RNF150: variants seen among roughly 807,000 people sequenced by gnomAD.
RNF150 encodes ring finger protein 150.
Under a neutral mutation model 39.3 loss-of-function variants are expected in RNF150, and 24 were observed. The ratio of observed to expected loss-of-function variants is 0.61; its 90% CI spans 0.44 to 0.86. The LOEUF is 0.86. Ranked by LOEUF, RNF150 falls within the 40% of genes least tolerant of loss-of-function variation. The pLI, the probability that RNF150 is intolerant of heterozygous loss-of-function variation, is 0.00. For missense variants in RNF150, 502 were observed against 587.8 expected, an observed-to-expected ratio of 0.85 and a Z score of 1.51; for synonymous variants, 255 against 227.3, an observed-to-expected ratio of 1.12 and a Z score of -1.10.
At chr4:141,162,072 G>A (rs1230690096) in intron 1 of RNF150, among the ~76,000 whole-genome samples, 1 of 152,162 alleles carries the variant, frequency 6.6e-6, no homozygotes, top group African/African-American at 2.4e-5. Flanking sequence ...CAGAATGGTA[G>A]AGCCCTTGAC....
chr4:141,186,183 C>T (rs572935781), intron 1 of RNF150, among the ~76,000 whole-genome samples: 1 of 152,230 alleles, frequency 6.6e-6, no homozygotes, highest in South Asian at 2.1e-4. Flanking sequence ...GGTTGGTAGG[C>T]TATTTATTAC....
intron 1 of RNF150, among the ~76,000 whole-genome samples, chr4:140,998,080 G>A (rs72937315): frequency 0.018 from 2,778 of 152,190 alleles, 90 homozygotes; most frequent in African/African-American, 0.063. Flanking sequence ...AATAAATAAC[G>A]TTCTCTGAAT....
At position 140,865,034 on chromosome 4, in the gene RNF150, G is replaced by A. The variant is rs1728645530; in HGVS notation, c.*3227C>T. 1 of 152,288 alleles carries A rather than the reference G, an allele frequency of 6.6e-6. No homozygotes were observed. The highest frequency in any genetic ancestry group is 1.9e-4 in the East Asian group (1 of 5,182). 9.4% of individuals were successfully genotyped at this position (152,288 alleles called of 1,614,324 possible). A position where few individuals can be genotyped will look rare whatever the true frequency, so the allele number is the denominator to read the frequency against. On this transcript the variant is annotated 3_prime_UTR_variant, in exon 7 of 7. Transcript: ENST00000515673. ...TTCTTTTCTTTTGTAAGGGTCGGGG[G>A]ATCTTGTGAGAATACTGGAGGAACT...
chr4:141,038,458 C>T (rs963210589), intron 1 of RNF150, among the ~76,000 whole-genome samples: 14 of 152,114 alleles, frequency 9.2e-5, no homozygotes, highest in Non-Finnish European at 1.8e-4. Flanking sequence ...GGGAGGCCGA[C>T]GTGGGAGGAT....
intron 1 of RNF150, among the ~76,000 whole-genome samples, chr4:141,198,020 TA>T (rs1359695174): frequency 6.6e-6 from 1 of 151,056 alleles, no homozygotes; most frequent in Non-Finnish European, 1.5e-5. Context: ...TCTTGCAAAG[TA>T]TTAGACCACT....
At chr4:141,154,141 C>T (rs1048577188) in intron 1 of RNF150, among the ~76,000 whole-genome samples, 1 of 152,152 alleles carries the variant, frequency 6.6e-6, no homozygotes, top group African/African-American at 2.4e-5. Context: ...TGCTATTAGA[C>T]ACATCATTTT....
rs1174107882 is a variant in RNF150, at chr4:140,881,215, T to G, written c.1199-12836A>C. Reference sequence around the variant, plus strand: ...TCTAGCTGTATGGCACAGGCTGGAATGCAGTGGCATGATCTTGGCTCACTG... The same window carrying G: ...TCTAGCTGTATGGCACAGGCTGGAAGGCAGTGGCATGATCTTGGCTCACTG... On this transcript the variant is annotated intron_variant, in intron 6 of 6. Transcript: ENST00000515673. 2.0e-5 allele frequency among the ~76,000 whole-genome samples: 3 copies of G among 152,130 alleles called. No homozygotes were observed. In the East Asian group the frequency reaches 5.8e-4, roughly 29 times the overall value.
chr4:140,933,768 C>T (rs1388931100), intron 4 of RNF150, among the ~76,000 whole-genome samples: 3 of 152,092 alleles, frequency 2.0e-5, no homozygotes, highest in Non-Finnish European at 4.4e-5. Context: ...AAGTTATTTC[C>T]TTCTATACTT....
chr4:141,089,755 G>A (rs980079197), intron 1 of RNF150, among the ~76,000 whole-genome samples: 15 of 152,086 alleles, frequency 9.9e-5, no homozygotes, highest in African/African-American at 3.6e-4. Context: ...TCTAATCTTG[G>A]AATATTTACC....
chr4:141,090,992 C>T (rs947260014), intron 1 of RNF150, among the ~76,000 whole-genome samples: 2 of 152,180 alleles, frequency 1.3e-5, no homozygotes, highest in African/African-American at 2.4e-5. Flanking sequence ...GAAAGCTCCA[C>T]TCTATTCTAC....
intron 1 of RNF150, among the ~76,000 whole-genome samples, chr4:141,087,860 G>T (rs553870088): frequency 6.6e-6 from 1 of 151,928 alleles, no homozygotes; most frequent in Non-Finnish European, 1.5e-5. Flanking sequence ...GAAAAAGTAC[G>T]TGCTTACAGG....
intron 1 of RNF150, among the ~76,000 whole-genome samples, chr4:141,196,582 G>C (rs1046296849): frequency 6.6e-6 from 1 of 152,182 alleles, no homozygotes; most frequent in Non-Finnish European, 1.5e-5. Flanking sequence ...AGTCAGGAAG[G>C]CTTTTGGTAT....
intron 1 of RNF150, among the ~76,000 whole-genome samples, chr4:141,140,807 G>A (rs531289143): frequency 1.3e-5 from 2 of 152,300 alleles, no homozygotes; most frequent in African/African-American, 4.8e-5. Context: ...TGGTTGTTTA[G>A]AAGGATGTTT....
intron 4 of RNF150, among the ~76,000 whole-genome samples, chr4:140,930,911 A>ATGGAAAGGCTG (rs6148697): frequency 2.6e-4 from 39 of 151,986 alleles, no homozygotes; most frequent in African/African-American, 8.7e-4. Context: ...GTTAACGACA[A>ATGGAAAGGCTG]TGGAAAGGTT....
intron 1 of RNF150, among the ~76,000 whole-genome samples, chr4:141,046,637 T>C (rs1412312470): frequency 6.6e-6 from 1 of 152,198 alleles, no homozygotes; most frequent in African/African-American, 2.4e-5. Flanking sequence ...TCTGTACCCA[T>C]GACCATTTGT....
intron 1 of RNF150, among the ~76,000 whole-genome samples, chr4:140,993,596 G>A (rs1240633986): frequency 6.6e-6 from 1 of 152,134 alleles, no homozygotes; most frequent in South Asian, 2.1e-4. Flanking sequence ...GAAGGCCCCC[G>A]GCATGGCCAG....
chr4:141,186,146 G>C (rs150505143), intron 1 of RNF150, among the ~76,000 whole-genome samples: 4,514 of 152,256 alleles, frequency 0.03, 211 homozygotes, highest in African/African-American at 0.097. Flanking sequence ...ATTCGGCTGG[G>C]AATCCATCTG....
intron 6 of RNF150, among the ~76,000 whole-genome samples, chr4:140,885,201 CTTT>C (rs752444379): frequency 7.7e-6 from 1 of 129,134 alleles, no homozygotes. Context: ...CAACATCAGT[CTTT>C]TTTTTTTTTT....
intron 1 of RNF150, among the ~76,000 whole-genome samples, chr4:141,036,814 A>T (rs1227096257): frequency 6.6e-6 from 1 of 152,204 alleles, no homozygotes; most frequent in Non-Finnish European, 1.5e-5. Context: ...TCAATATTTA[A>T]AAAAACACTC....
Sources: gnomAD v4.1 joint callset for allele counts (sites outside exome capture counted in the v4.1 genomes callset) on GRCh38, gnomAD v4.1.1 for gene constraint, MANE v1.5 for transcripts, NCBI Gene and HGNC (gene_info 2026-07-23, HGNC 2026-07-21) for gene names.